Variants in GPD2 observed in about 807,000 individuals in gnomAD.
GPD2 encodes glycerol-3-phosphate dehydrogenase 2.
In GPD2, 54 loss-of-function variants were observed where a neutral mutation model predicts 82.4. The ratio of observed to expected loss-of-function variants is 0.66; its 90% CI spans 0.53 to 0.82. GPD2 has a LOEUF of 0.82. Ranked by LOEUF, GPD2 falls within the 40% of genes least tolerant of loss-of-function variation. The pLI is 0.00. For synonymous variants in GPD2, 288 were observed against 306.1 expected (o/e 0.94, Z 0.62); for missense variants, 748 against 896.2 (o/e 0.83, Z 2.11).
chr2:156,470,712 AC>A (rs1275776767), intron 1 of GPD2, among the ~76,000 whole-genome samples: 2 of 152,202 alleles, frequency 1.3e-5, no homozygotes, highest in African/African-American at 4.8e-5. Flanking sequence ...TCAGGGACTT[AC>A]ATGAAATAGG....
At chr2:156,523,423 T>G (rs1355234496) in intron 6 of GPD2, among the ~76,000 whole-genome samples, 2 of 152,162 alleles carry the variant, frequency 1.3e-5, no homozygotes, top group African/African-American at 4.8e-5. Context: ...CTATCCAATT[T>G]TATTATGGAA....
rs191208910 is a variant in GPD2 at position 156,440,264 on chromosome 2, A to C, written c.-9+3751A>C. On this transcript the variant is annotated intron_variant, in intron 1 of 16. Coordinates refer to ENST00000438166, the MANE Select transcript of GPD2 (RefSeq NM_000408.5). ...GGAAGATATGATCAAACTCAACTCC[A>C]AGTGAGAAAGACAAGGGCCAATGTG... Among the ~76,000 whole-genome samples the C allele has an allele frequency of 4.1e-3, 630 of 152,354 alleles. 11 individuals carry two copies. Among genetic ancestry groups the C allele is most frequent in the Admixed American group, 0.029 (438 of 15,300 alleles).
chr2:156,409,556 C>T, the GPD2 span, among the ~76,000 whole-genome samples: 2 of 152,006 alleles, frequency 1.3e-5, no homozygotes, highest in South Asian at 4.2e-4. Flanking sequence ...AAAAATTAGC[C>T]AGGCATGGTG....
chr2:156,557,665 C>T, intron 9 of GPD2, 83 bp downstream of exon 9: 1 of 820,844 alleles, frequency 1.2e-6, no homozygotes, highest in East Asian at 2.5e-5. Context: ...AATGCTATGT[C>T]TCCAGTCTGA....
intron 6 of GPD2, among the ~76,000 whole-genome samples, chr2:156,548,114 A>T (rs935010878): frequency 2.6e-5 from 4 of 152,198 alleles, no homozygotes; most frequent in Non-Finnish European, 4.4e-5. Flanking sequence ...TTCTTAATTT[A>T]AGGAGAAGAT....
intron 3 of GPD2, 28 bp from the exon 4 acceptor site, chr2:156,510,768 A>G: frequency 6.3e-7 from 1 of 1,591,474 alleles, no homozygotes; most frequent in South Asian, 1.1e-5. Context: ...GTAATTTAAG[A>G]AGTTAATTTG....
chr2:156,466,941 T>A (rs975418493), intron 1 of GPD2, among the ~76,000 whole-genome samples: 1 of 152,198 alleles, frequency 6.6e-6, no homozygotes, highest in Non-Finnish European at 1.5e-5. Flanking sequence ...GGCTGAGAAG[T>A]GGTCCTGGGC....
rs79382850 is a variant in GPD2, at chr2:156,578,754, T to C, written c.1768-135T>C. Reference sequence around the variant, plus strand: ...AATATAAATTATACTTCAATGAAACTGGAAGAAATAAAAAAATTGTGCTGG... The same window carrying C: ...AATATAAATTATACTTCAATGAAACCGGAAGAAATAAAAAAATTGTGCTGG... On this transcript the variant is annotated intron_variant, in intron 13 of 16. Transcript: ENST00000438166. 3.3e-3 allele frequency: 2,182 copies of C among 656,554 alleles called. 18 individuals carry two copies. The highest frequency in any genetic ancestry group is 0.02 in the African/African-American group (1,117 of 54,814). 40.7% of individuals were successfully genotyped at this position (656,554 alleles called of 1,614,324 possible).
chr2:156,578,082 T>A (rs1466828747), intron 13 of GPD2, among the ~76,000 whole-genome samples: 2 of 152,178 alleles, frequency 1.3e-5, no homozygotes, highest in Non-Finnish European at 2.9e-5. Flanking sequence ...TATGCTACAA[T>A]AAAGTCATTT....
chr2:156,445,505 T>C (rs1255499803), intron 1 of GPD2, among the ~76,000 whole-genome samples: 1 of 152,232 alleles, frequency 6.6e-6, no homozygotes, highest in African/African-American at 2.4e-5. Flanking sequence ...GTTGCATACA[T>C]AGCACAGCAT....
the GPD2 span, among the ~76,000 whole-genome samples, chr2:156,426,048 C>T: frequency 5.9e-5 from 9 of 151,996 alleles, no homozygotes; most frequent in African/African-American, 1.2e-4. Flanking sequence ...TTAGCCTCCC[C>T]GAGTAGCTGG....
intron 2 of GPD2, among the ~76,000 whole-genome samples, chr2:156,487,468 T>A (rs1315695437): frequency 1.3e-5 from 2 of 152,184 alleles, no homozygotes; most frequent in African/African-American, 4.8e-5. Flanking sequence ...GGCAGGCAGA[T>A]CTAGAGGCCC....
chr2:156,553,597 C>A (rs3769367), intron 8 of GPD2, among the ~76,000 whole-genome samples: 1 of 151,882 alleles, frequency 6.6e-6, no homozygotes, highest in Non-Finnish European at 1.5e-5. Context: ...CTTATTCCCC[C>A]TACCTTTTGT....
At chr2:156,545,802 G>A (rs1050901012) in intron 6 of GPD2, among the ~76,000 whole-genome samples, 1 of 151,690 alleles carries the variant, frequency 6.6e-6, no homozygotes, top group South Asian at 2.1e-4. Context: ...GAGCTATTTT[G>A]CATGTTAACA....
At chr2:156,573,328 C>T (rs1460327136) in intron 13 of GPD2, among the ~76,000 whole-genome samples, 2 of 152,156 alleles carry the variant, frequency 1.3e-5, no homozygotes, top group Non-Finnish European at 2.9e-5. Flanking sequence ...TAAGCTTTCT[C>T]CATCCTGTCT....
At chr2:156,528,217 A>G (rs974405710) in intron 6 of GPD2, among the ~76,000 whole-genome samples, 8 of 152,088 alleles carry the variant, frequency 5.3e-5, no homozygotes, top group African/African-American at 1.9e-4. Context: ...TGTCTATTGT[A>G]TAAAACCGGA....
chr2:156,405,501 C>T, the GPD2 span, among the ~76,000 whole-genome samples: 6 of 152,224 alleles, frequency 3.9e-5, no homozygotes, highest in African/African-American at 1.4e-4. Flanking sequence ...GTTGGAGAAA[C>T]AGGACAGTGG....
chr2:156,416,483 G>A, the GPD2 span, among the ~76,000 whole-genome samples: 2 of 149,950 alleles, frequency 1.3e-5, no homozygotes, highest in African/African-American at 2.5e-5. Flanking sequence ...GAGAAGCTAG[G>A]ACTACAGGCA....
intron 16 of GPD2, among the ~76,000 whole-genome samples, chr2:156,580,713 G>A (rs1360248867): frequency 1.3e-5 from 2 of 152,136 alleles, no homozygotes; most frequent in Non-Finnish European, 2.9e-5. Flanking sequence ...AAAGGAAATG[G>A]TAATTGTCTC....
Sources: gnomAD v4.1 joint callset for allele counts (sites outside exome capture counted in the v4.1 genomes callset) on GRCh38, gnomAD v4.1.1 for gene constraint, MANE v1.5 for transcripts, NCBI Gene and HGNC (gene_info 2026-07-23, HGNC 2026-07-21) for gene names.